IGF2BP3: variants seen among roughly 807,000 people sequenced by gnomAD.
IGF2BP3 encodes insulin like growth factor 2 mRNA binding protein 3, also known as insulin-like growth factor 2 mRNA-binding protein 3.
Under a neutral mutation model 73.8 loss-of-function variants are expected in IGF2BP3, and 9 were observed. That is an observed-to-expected ratio of 0.12 (90% confidence interval 0.07 to 0.21). The LOEUF is 0.21. IGF2BP3 is among the 10% of genes least tolerant of loss of function. The pLI, the probability that IGF2BP3 is intolerant of heterozygous loss-of-function variation, is 1.00. For missense variants in IGF2BP3, 542 were observed against 714.0 expected (o/e 0.76, Z 2.75); for synonymous variants, 258 against 256.7 (o/e 1.01, Z -0.05).
At chr7:23,390,329 G>C (rs980665833) in intron 3 of IGF2BP3, among the ~76,000 whole-genome samples, 5 of 152,006 alleles carry the variant, frequency 3.3e-5, no homozygotes, top group South Asian at 2.1e-4. Context: ...CACCTATAAT[G>C]GGGAAGAAGT....
At chr7:23,458,758 G>C (rs1430268627) in intron 2 of IGF2BP3, among the ~76,000 whole-genome samples, 1 of 152,192 alleles carries the variant, frequency 6.6e-6, no homozygotes, top group African/African-American at 2.4e-5. Context: ...CTGGGGCACA[G>C]ACTACCTGTA....
chr7:23,404,610 T>C lies in IGF2BP3; in HGVS notation c.285+14166A>G, dbSNP rs1422044629. Among the ~76,000 whole-genome samples the C allele has an allele frequency of 1.7e-4, 26 of 152,210 alleles. 1 individual carries two copies. The highest frequency in any genetic ancestry group is 1.6e-3 in the Admixed American group (24 of 15,270). The stretch of plus-strand genomic sequence containing the variant: ...CTGAGGAAAGGTATTTGTGAATATA[T>C]ACAATAGACATCTAGGCAAGATCGC... On this transcript the variant is annotated intron_variant, in intron 3 of 14. Coordinates refer to ENST00000258729, the MANE Select transcript of IGF2BP3 (RefSeq NM_006547.3).
chr7:23,367,277 C>G (rs529397156), intron 3 of IGF2BP3, among the ~76,000 whole-genome samples: 1 of 151,986 alleles, frequency 6.6e-6, no homozygotes. Context: ...AGTGTCCGGC[C>G]GCATTTTGCT....
chr7:23,376,062 T>A (rs747872972), intron 3 of IGF2BP3, among the ~76,000 whole-genome samples: 1 of 152,184 alleles, frequency 6.6e-6, no homozygotes, highest in Non-Finnish European at 1.5e-5. Flanking sequence ...TGAAAACACA[T>A]GATTTGGTAA....
In IGF2BP3 at chr7:23,441,302, C is replaced by T. The variant is rs192567017; in HGVS notation, c.237-22478G>A. 1.3e-3 allele frequency among the ~76,000 whole-genome samples: 193 copies of T among 152,126 alleles called. 1 individual carries two copies. Among genetic ancestry groups the T allele is most frequent in the African/African-American group, 4.4e-3 (181 of 41,500 alleles). ...AAGACACATATGTTAAGACCAGGCA[C>T]GGTGGTTCACACCTGTAATCCCAGC... On this transcript the variant is annotated intron_variant, in intron 2 of 14. Coordinates refer to ENST00000258729, the MANE Select transcript of IGF2BP3 (RefSeq NM_006547.3).
At chr7:23,439,489 G>A (rs533891224) in intron 2 of IGF2BP3, among the ~76,000 whole-genome samples, 5 of 149,772 alleles carry the variant, frequency 3.3e-5, no homozygotes, top group South Asian at 2.1e-4. Flanking sequence ...AGTAGGGGGC[G>A]GAGCTTGCAG....
intron 3 of IGF2BP3, among the ~76,000 whole-genome samples, chr7:23,407,748 A>G (rs1265513172): frequency 6.6e-6 from 1 of 152,154 alleles, no homozygotes; most frequent in East Asian, 1.9e-4. Context: ...AACACATTTT[A>G]AGGCTGTGTT....
chr7:23,354,753 C>T (rs960450729), intron 5 of IGF2BP3, among the ~76,000 whole-genome samples: 3 of 152,114 alleles, frequency 2.0e-5, no homozygotes, highest in African/African-American at 7.2e-5. Context: ...GGCTCTAGTC[C>T]CCAGTGTACC....
At chr7:23,419,637 A>G (rs1156261693) in intron 2 of IGF2BP3, among the ~76,000 whole-genome samples, 4 of 152,210 alleles carry the variant, frequency 2.6e-5, no homozygotes, top group African/African-American at 9.6e-5. Context: ...GGATCACTTG[A>G]GGTCTGGAGG....
chr7:23,441,990 G>A (rs868630541), intron 2 of IGF2BP3, among the ~76,000 whole-genome samples: 2 of 152,110 alleles, frequency 1.3e-5, no homozygotes, highest in Admixed American at 6.5e-5. Context: ...AGCCGGGTGT[G>A]GTGGTGCATG....
chr7:23,387,539 TA>T (rs11342336), intron 3 of IGF2BP3, among the ~76,000 whole-genome samples: 50,314 of 152,152 alleles, frequency 0.33, 13,831 homozygotes, highest in African/African-American at 0.76. Flanking sequence ...ACTCAAGTAT[TA>T]ATGTTAATAA....
chr7:23,445,727 A>C (rs1485778901), intron 2 of IGF2BP3, among the ~76,000 whole-genome samples: 1 of 152,168 alleles, frequency 6.6e-6, no homozygotes, highest in African/African-American at 2.4e-5. Context: ...ATCATGAGCT[A>C]AAGTTAGACT....
At chr7:23,338,213 C>A (rs1391438692) in intron 10 of IGF2BP3, among the ~76,000 whole-genome samples, 1 of 152,040 alleles carries the variant, frequency 6.6e-6, no homozygotes, top group East Asian at 1.9e-4. Context: ...CTCTTCAAAG[C>A]ATAGAACAAG....
At chr7:23,388,102 G>A (rs376684006) in intron 3 of IGF2BP3, among the ~76,000 whole-genome samples, 40 of 152,064 alleles carry the variant, frequency 2.6e-4, no homozygotes, top group East Asian at 1.7e-3. Context: ...CACCACGCCC[G>A]GCTAATTTTT....
At chr7:23,432,387 G>C (rs746656437) in intron 2 of IGF2BP3, among the ~76,000 whole-genome samples, 10 of 152,154 alleles carry the variant, frequency 6.6e-5, no homozygotes, top group Non-Finnish European at 1.0e-4. Context: ...TAGGACATGT[G>C]CAAGTTAGGA....
intron 3 of IGF2BP3, among the ~76,000 whole-genome samples, chr7:23,398,355 T>C (rs369352703): frequency 1.3e-5 from 2 of 152,346 alleles, no homozygotes; most frequent in East Asian, 3.9e-4. Flanking sequence ...CTACTGTTAA[T>C]AGTGCCACAA....
chr7:23,405,148 C>G lies in IGF2BP3; in HGVS notation c.285+13628G>C, dbSNP rs535228838. 2.0e-4 allele frequency: 30 copies of G among 152,288 alleles called. No individual in the cohort carries two copies. The South Asian group carries it at 5.0e-3, about 25-fold the overall frequency. The allele number at this position is 152,288 out of a possible 1,614,324, so 9.4% of individuals were successfully genotyped here. On this transcript the variant is annotated intron_variant, in intron 3 of 14. Coordinates refer to ENST00000258729, the MANE Select transcript of IGF2BP3 (RefSeq NM_006547.3). ...AGCAAATCACTTATGAGTAGTTACTCTGTTCTTGAGAAATGAAAAATTCAA... is the reference window on the plus strand; with the variant it reads ...AGCAAATCACTTATGAGTAGTTACTGTGTTCTTGAGAAATGAAAAATTCAA...
chr7:23,368,326 G>GAAAAGAAA (rs1583945391), intron 3 of IGF2BP3, among the ~76,000 whole-genome samples: 1 of 89,658 alleles, frequency 1.1e-5, no homozygotes, highest in East Asian at 2.9e-4. Flanking sequence ...GAGAGAGAAA[G>GAAAAGAAA]AAAAGAAAGA....
At chr7:23,440,626 T>A (rs1349235469) in intron 2 of IGF2BP3, among the ~76,000 whole-genome samples, 1 of 152,218 alleles carries the variant, frequency 6.6e-6, no homozygotes, top group African/African-American at 2.4e-5. Context: ...TGAAACAGAC[T>A]AGTAGAATCA....
Sources: allele counts gnomAD v4.1 joint callset (sites outside exome capture counted in the v4.1 genomes callset), GRCh38; gene constraint gnomAD v4.1.1; transcripts MANE v1.5; gene names NCBI Gene and HGNC (gene_info 2026-07-23, HGNC 2026-07-21).